Variants in GBGT1 observed in about 807,000 individuals in gnomAD.
GBGT1 encodes globoside alpha-1,3-N-acetylgalactosaminyltransferase 1.
GBGT1 carries 18 observed loss-of-function variants against 20.9 expected under a neutral mutation model. The observed-to-expected ratio is 0.86, with a 90% CI of 0.60 to 1.28. The LOEUF (loss-of-function observed/expected upper bound fraction) is 1.28, where lower values mean the gene tolerates loss of function less well. GBGT1 is among the 50% of genes most tolerant of loss of function. The pLI, the probability that GBGT1 is intolerant of heterozygous loss-of-function variation, is 0.00. For synonymous variants in GBGT1, 168 were observed against 180.8 expected (o/e 0.93, Z 0.57); for missense variants, 432 against 455.7 (o/e 0.95, Z 0.47).
Position 133,153,612 on chromosome 9 carries a change from T to C in GBGT1, c.1009A>G (p.Thr337Ala), listed in dbSNP as rs1007548660. Reference protein sequence around the residue: ...PPSLKLIRFSTLDKDISCLRS With the variant: ...PPSLKLIRFSALDKDISCLRS ...AGGCAGCTGATATCCTTGTCCAGTG[T>C]AGAAAAGCGGATCAGCTTCAGGCTG... Residue 337 changes from threonine to alanine, a missense_variant, in exon 7 of 7, where the codon ACA becomes GCA. Transcript: ENST00000372040. The C allele has an allele frequency of 1.3e-6, 2 of 1,584,610 alleles. No homozygotes were observed. The highest frequency in any genetic ancestry group is 1.7e-6 in the Non-Finnish European group (2 of 1,164,738).
In GBGT1 at chr9:133,153,788, C is replaced by G; in HGVS notation, c.833G>C (p.Gly278Ala). 6.2e-7 allele frequency: 1 copy of G among 1,605,234 alleles called. No individual in the cohort carries two copies. The highest frequency in any genetic ancestry group is 8.5e-7 in the Non-Finnish European group (1 of 1,175,470). Residue 278 changes from glycine to alanine, a missense_variant, in exon 7 of 7, where the codon GGC becomes GCC. Transcript: ENST00000372040. ...QVARVYEFTR[G>A]CHMAILADKA... ...GTCCGCCAGGATGGCCATGTGGCAG[C>G]CCCTAGTAAACTCATATACCCTGGC...
chr9:133,157,090 C>G (rs369196356), intron 3 of GBGT1, among the ~76,000 whole-genome samples: 20 of 152,222 alleles, frequency 1.3e-4, no homozygotes, highest in African/African-American at 4.8e-4. Context: ...TCAAGACCAG[C>G]CTGGGCAACA....
chr9:133,158,836 G>A (rs35869433), intron 3 of GBGT1, among the ~76,000 whole-genome samples: 4,223 of 152,238 alleles, frequency 0.028, 132 homozygotes, highest in African/African-American at 0.081. Context: ...ACAGCTTGCC[G>A]TTGCCCCGCC....
chr9:133,154,124 C>G lies in GBGT1; in HGVS notation c.497G>C (p.Ser166Thr). ...GGAGTGACCCTGGATGGGGATGGAG[C>G]TGAGAAGCCGGTGGGGACCCAGCGG... ...GVPLGPHRLL[S>T]SIPIQGHSHW... Residue 166 changes from serine to threonine, a missense_variant, in exon 7 of 7, where the codon AGC (serine) becomes ACC (threonine). By Grantham distance (58) the Ser-to-Thr change is moderately conservative. Transcript: ENST00000372040. This position sits in a 1 kb window ranked among gnomAD's most constrained non-coding sequence, Gnocchi z 4.2. 8 of 1,608,060 alleles carry G rather than the reference C, an allele frequency of 5.0e-6. No individual in the cohort carries two copies. The highest frequency in any genetic ancestry group is 6.8e-6 in the Non-Finnish European group (8 of 1,175,690).
In GBGT1 at chr9:133,162,453, C is replaced by A; in HGVS notation, c.-41G>T. 1 of 1,546,732 alleles carries A rather than the reference C, an allele frequency of 6.5e-7. No individual in the cohort carries two copies. Among genetic ancestry groups the A allele is most frequent in the Non-Finnish European group, 8.8e-7 (1 of 1,134,220 alleles). ...CTGAGCCTGGGCACTTGTAGAGACC[C>A]CCACTGGCCTGGGCGGATGAGGCTG... On this transcript the variant is annotated 5_prime_UTR_variant, in exon 2 of 7. Coordinates refer to ENST00000372040, the MANE Select transcript of GBGT1 (RefSeq NM_021996.6).
At position 133,162,424 on chromosome 9, in the gene GBGT1, G is replaced by A. The variant is rs1833083868; in HGVS notation, c.-12C>T. 6 of 1,597,620 alleles carry A rather than the reference G, an allele frequency of 3.8e-6. No individual in the cohort carries two copies. Among genetic ancestry groups the A allele is most frequent in the African/African-American group, 1.3e-5 (1 of 74,952 alleles). Reference sequence around the variant, plus strand: ...CTCCGGCGATGCATTGCTGGGGGCTGCACCTGAGCCTGGGCACTTGTAGAG... The same window carrying A: ...CTCCGGCGATGCATTGCTGGGGGCTACACCTGAGCCTGGGCACTTGTAGAG... On this transcript the variant is annotated 5_prime_UTR_variant, in exon 2 of 7. Coordinates refer to ENST00000372040, the MANE Select transcript of GBGT1 (RefSeq NM_021996.6).
In GBGT1 at chr9:133,154,487, C is replaced by T. The variant is rs1832811655; in HGVS notation, c.360-226G>A. 1 of 405,512 alleles carries T rather than the reference C, an allele frequency of 2.5e-6. No individual in the cohort carries two copies. Among genetic ancestry groups the T allele is most frequent in the South Asian group, 9.5e-5 (1 of 10,474 alleles). The allele number at this position is 405,512 out of a possible 1,614,324, so 25.1% of individuals were successfully genotyped here. Reference sequence around the variant, plus strand: ...TGGTAGAGATTCTTATGCTCCTAGGCCAGGTGAACTTTTACTGAGCAATTT... The same window carrying T: ...TGGTAGAGATTCTTATGCTCCTAGGTCAGGTGAACTTTTACTGAGCAATTT... On this transcript the variant is annotated intron_variant, in intron 6 of 6. Transcript: ENST00000372040. This position sits in a 1 kb window ranked among gnomAD's most constrained non-coding sequence, Gnocchi z 4.2.
chr9:133,153,364 C>T lies in GBGT1; in HGVS notation c.*213G>A, dbSNP rs745854780. 3 of 395,474 alleles carry T rather than the reference C, an allele frequency of 7.6e-6. No homozygotes were observed. The highest frequency in any genetic ancestry group is 1.3e-5 in the Non-Finnish European group (3 of 224,048). 24.5% of individuals were successfully genotyped at this position (395,474 alleles called of 1,614,324 possible). ...CTTTGTAACTGCGCCTCCCCTCCCC[C>T]TGTCTCACTGTTCCCATGCCGCGTT... On this transcript the variant is annotated 3_prime_UTR_variant, in exon 7 of 7. Transcript: ENST00000372040.
rs372817183 is a variant in GBGT1, at chr9:133,153,857, T to A, written c.764A>T (p.Glu255Val). The change falls in exon 7 of 7, where the codon GAA (glutamate) becomes GTA (valine). Residue 255 changes from glutamate (E) to valine (V), a missense_variant. Coordinates refer to ENST00000372040, the MANE Select transcript of GBGT1 (RefSeq NM_021996.6). The part of the protein sequence containing the change: ...RVSTAFVADS[E>V]GDFYYGGAVF... ...TGCCCCACCATAATAGAAGTCCCCTTCGCTGTCTGCCACAAAGGCAGTGGA... is the reference window on the plus strand; with the variant it reads ...TGCCCCACCATAATAGAAGTCCCCTACGCTGTCTGCCACAAAGGCAGTGGA... 4.4e-6 allele frequency: 7 copies of A among 1,599,242 alleles called. No individual in the cohort carries two copies. In the African/African-American group the frequency reaches 9.4e-5, roughly 21 times the overall value.
chr9:133,161,673 C>G (rs1833049244), intron 2 of GBGT1, 141 bp from the exon 3 acceptor site: 1 of 607,544 alleles, frequency 1.6e-6, no homozygotes, highest in African/African-American at 1.8e-5. Flanking sequence ...GTAGGTCTGG[C>G]TGACCTTGGA....
chr9:133,155,285 G>C lies in GBGT1; in HGVS notation c.252C>G (p.Pro84=). 3 of 1,613,954 alleles carry C rather than the reference G, an allele frequency of 1.9e-6. No homozygotes were observed. The highest frequency in any genetic ancestry group is 2.5e-6 in the Non-Finnish European group (3 of 1,179,936). The part of the protein sequence containing the change: ...HRPTQLLTLT[P]WLAPIVSEGT... ...CCTCGGAGACGATGGGCGCCAACCA[G>C]GGTGTGAGTGTCAGCAGCTGTGTGG... Residue 84 remains proline, a synonymous_variant, in exon 6 of 7, where the codon CCC becomes CCG. Coordinates refer to ENST00000372040, the MANE Select transcript of GBGT1 (RefSeq NM_021996.6).
Position 133,153,763 on chromosome 9 carries a change from G to C in GBGT1, c.858C>G (p.Asp286Glu), listed in dbSNP as rs758724789. ...AGGCAGCCATGATGCCATTGGCCTTGTCCGCCAGGATGGCCATGTGGCAGC... is the reference window on the plus strand; with the variant it reads ...AGGCAGCCATGATGCCATTGGCCTTCTCCGCCAGGATGGCCATGTGGCAGC... ...TRGCHMAILADKANGIMAAWR... is the reference protein window; with the variant it reads ...TRGCHMAILAEKANGIMAAWR... Residue 286 changes from aspartate (D) to glutamate (E), a missense_variant, in exon 7 of 7, where the codon GAC becomes GAG. Physicochemically the swap from Asp to Glu is conservative, Grantham distance 45 (BLOSUM62 2). Transcript: ENST00000372040. 7 of 1,611,008 alleles carry C rather than the reference G, an allele frequency of 4.3e-6. No individual in the cohort carries two copies. The Admixed American group carries it at 1.2e-4, about 27-fold the overall frequency.
chr9:133,163,240 C>G (rs1341075821), intron 1 of GBGT1: 1 of 152,252 alleles, frequency 6.6e-6, no homozygotes, highest in African/African-American at 2.4e-5. Context: ...CCGAGGGGAG[C>G]GAGGTGGCCG....
chr9:133,155,483 G>A (rs1359280582), intron 5 of GBGT1, 171 bp from the exon 6 acceptor site: 2 of 710,768 alleles, frequency 2.8e-6, no homozygotes, highest in Non-Finnish European at 4.6e-6. Context: ...CAGCAGGGTT[G>A]GGAGTACCAG....
intron 6 of GBGT1, 65 bp downstream of exon 6, chr9:133,155,113 C>G (rs556362101): frequency 1.3e-5 from 19 of 1,496,100 alleles, no homozygotes; most frequent in Non-Finnish European, 1.8e-5. Context: ...GGTCTGGTCT[C>G]TTCCCAACTA....
Position 133,160,310 on chromosome 9 carries a change from T to TAATAATAATAAA in GBGT1, c.137+1156_137+1157insTTTATTATTATT, listed in dbSNP as rs1554748595. On this transcript the variant is annotated intron_variant, in intron 3 of 6. Coordinates refer to ENST00000372040, the MANE Select transcript of GBGT1 (RefSeq NM_021996.6). ...ATAATAATAATAATAATAATAATAA[T>TAATAATAATAAA]AAATAAAATTTATACCAAAGAGGAT... 1.1e-4 allele frequency: 16 copies of TAATAATAATAAA among 144,940 alleles called. No homozygotes were observed. The South Asian group carries it at 1.3e-3, about 12-fold the overall frequency. 9.0% of individuals were successfully genotyped at this position (144,940 alleles called of 1,614,324 possible).
chr9:133,162,697 T>C (rs1184452502), intron 1 of GBGT1, among the ~76,000 whole-genome samples, 165 bp from the exon 2 acceptor site: 1 of 152,292 alleles, frequency 6.6e-6, no homozygotes, highest in African/African-American at 2.4e-5. Context: ...CAAGCCACCA[T>C]GCCCAGCTAA....
rs1330058159 is a variant in GBGT1 at position 133,155,172 on chromosome 9, A to G, written c.359+6T>C. The G allele has an allele frequency of 2.5e-6, 4 of 1,612,358 alleles. No homozygotes were observed. In the African/African-American group the frequency reaches 5.4e-5, roughly 22 times the overall value. On this transcript the variant is annotated splice_donor_region_variant and intron_variant, in intron 6 of 6. Transcript: ENST00000372040. ...CCTCCCTCCCCTTCCCCAGCCCACTACTCACTTCCCCACGGCAAACACCGT... is the reference window on the plus strand; with the variant it reads ...CCTCCCTCCCCTTCCCCAGCCCACTGCTCACTTCCCCACGGCAAACACCGT...
At chr9:133,159,473 C>T (rs1471398391) in intron 3 of GBGT1, among the ~76,000 whole-genome samples, 3 of 152,174 alleles carry the variant, frequency 2.0e-5, no homozygotes, top group Non-Finnish European at 4.4e-5. Context: ...AGCCCAGACA[C>T]ACTCCAGCTG....
Sources: gnomAD v4.1 joint callset for allele counts (sites outside exome capture counted in the v4.1 genomes callset) on GRCh38, gnomAD v4.1.1 for gene constraint, Gnocchi (gnomAD v3.1) non-coding constraint, MANE v1.5 for transcripts, NCBI Gene and HGNC (gene_info 2026-07-23, HGNC 2026-07-21) for gene names.